Variants in ATP8B1 observed in about 807,000 individuals in gnomAD.
ATP8B1 encodes phospholipid-transporting ATPase IC.
A neutral mutation model predicts 149.9 loss-of-function variants in ATP8B1; 80 were observed. The ratio of observed to expected loss-of-function variants is 0.53; its 90% CI spans 0.45 to 0.64. The LOEUF (loss-of-function observed/expected upper bound fraction) is 0.64, where lower values mean the gene tolerates loss of function less well. ATP8B1 is among the 30% of genes least tolerant of loss of function. The pLI, the probability that ATP8B1 is intolerant of heterozygous loss-of-function variation, is 0.00. For missense variants in ATP8B1, 1,247 were observed against 1,552.6 expected (o/e 0.80, Z 3.31); for synonymous variants, 536 against 562.8 (o/e 0.95, Z 0.67).
At chr18:57,759,007 T>G (rs896902545) in intron 1 of ATP8B1, among the ~76,000 whole-genome samples, 2 of 151,594 alleles carry the variant, frequency 1.3e-5, no homozygotes, top group African/African-American at 4.9e-5. Context: ...AATACAAAAA[T>G]TATCCGGGCG....
intron 4 of ATP8B1, among the ~76,000 whole-genome samples, chr18:57,701,719 A>G (rs319456): frequency 0.99 from 149,222 of 150,568 alleles, 73,961 homozygotes; most frequent in Middle Eastern, 1. Context: ...TTTTTGAGAC[A>G]GAGTCTCCCT....
intron 26 of ATP8B1, 21 bp from the exon 27 acceptor site, chr18:57,650,518 G>A (rs1385950032): frequency 1.2e-6 from 2 of 1,610,422 alleles, no homozygotes; most frequent in African/African-American, 1.3e-5. Context: ...CATGGCAAAT[G>A]CATCACTGTG....
intron 2 of ATP8B1, among the ~76,000 whole-genome samples, chr18:57,710,012 T>TA (rs1182197268): frequency 1.4e-5 from 2 of 146,598 alleles, no homozygotes; most frequent in East Asian, 3.9e-4. Flanking sequence ...TTTTTTTTTT[T>TA]AAGAGACGGA....
chr18:57,743,575 G>C (rs1273277494), intron 1 of ATP8B1, among the ~76,000 whole-genome samples: 1 of 152,130 alleles, frequency 6.6e-6, no homozygotes, highest in Non-Finnish European at 1.5e-5. Context: ...TCACAGAGGT[G>C]AGCAAGAACT....
At chr18:57,708,157 CAAAAAAA>C (rs36027330) in intron 2 of ATP8B1, among the ~76,000 whole-genome samples, 12 of 67,076 alleles carry the variant, frequency 1.8e-4, no homozygotes, top group African/African-American at 3.4e-4. Context: ...AACTCTGTCT[CAAAAAAA>C]AAAAAAAAAA....
At chr18:57,656,687 T>C (rs142188813) in intron 22 of ATP8B1, among the ~76,000 whole-genome samples, 77 of 150,320 alleles carry the variant, frequency 5.1e-4, no homozygotes, top group African/African-American at 1.8e-3. Flanking sequence ...GAAATAGATA[T>C]ATTTCTTCCT....
chr18:57,681,183 G>A (rs1260001932), intron 15 of ATP8B1, among the ~76,000 whole-genome samples: 1 of 152,166 alleles, frequency 6.6e-6, no homozygotes. Flanking sequence ...ATTCTCCACC[G>A]CTGGCTTTGA....
At chr18:57,704,984 TGAGGCAGGAGAATCGCTTGAACCAGG>T (rs1913317884) in intron 3 of ATP8B1, among the ~76,000 whole-genome samples, 1 of 152,168 alleles carries the variant, frequency 6.6e-6, no homozygotes, top group Admixed American at 6.6e-5. Context: ...CTTGGGAGGC[TGAGGCAGGAGAATCGCTTGAACCAGG>T]GAGGCAGAAG....
At chr18:57,790,951 A>G (rs1389262450) in intron 1 of ATP8B1, among the ~76,000 whole-genome samples, 2 of 152,040 alleles carry the variant, frequency 1.3e-5, no homozygotes, top group South Asian at 4.1e-4. Flanking sequence ...CGAGCTCCTG[A>G]CCTTAGGCAA....
intron 1 of ATP8B1, among the ~76,000 whole-genome samples, chr18:57,775,664 A>C (rs1019722895): frequency 1.4e-5 from 2 of 147,056 alleles, no homozygotes; most frequent in African/African-American, 5.0e-5. Flanking sequence ...TTTTTTTTGA[A>C]ATGGAGTTTC....
chr18:57,772,863 AGGAGGTGG>A (rs942697002), intron 1 of ATP8B1, among the ~76,000 whole-genome samples: 1 of 152,128 alleles, frequency 6.6e-6, no homozygotes, highest in African/African-American at 2.4e-5. Context: ...TGCAGAGGTG[AGGAGGTGG>A]GGAGCAGAAG....
At chr18:57,749,698 G>C (rs1484203263) in intron 1 of ATP8B1, among the ~76,000 whole-genome samples, 2 of 152,102 alleles carry the variant, frequency 1.3e-5, no homozygotes, top group Non-Finnish European at 2.9e-5. Flanking sequence ...GCAGGCTCTG[G>C]CTGAATTGTC....
intron 26 of ATP8B1, among the ~76,000 whole-genome samples, chr18:57,651,728 G>A (rs1305417140): frequency 6.6e-6 from 1 of 151,922 alleles, no homozygotes; most frequent in African/African-American, 2.4e-5. Context: ...AACGTCCCAG[G>A]TCAAGCAATC....
intron 10 of ATP8B1, 93 bp downstream of exon 10, chr18:57,695,078 T>C: frequency 7.6e-7 from 1 of 1,313,432 alleles, no homozygotes. Context: ...ATTACTCTTC[T>C]TTTGGTTTTG....
chr18:57,766,344 T>G (rs2080212169), intron 1 of ATP8B1, among the ~76,000 whole-genome samples: 1 of 152,114 alleles, frequency 6.6e-6, no homozygotes, highest in African/African-American at 2.4e-5. Flanking sequence ...TACTCAGTTG[T>G]TCTTTATCTC....
At chr18:57,801,439 G>A (rs2080573246) in intron 1 of ATP8B1, among the ~76,000 whole-genome samples, 1 of 152,196 alleles carries the variant, frequency 6.6e-6, no homozygotes, top group South Asian at 2.1e-4. Context: ...ATCATCTTGT[G>A]CACAGTCTGC....
In ATP8B1 at chr18:57,674,980, AGGGCACCTTCATC is replaced by A; in HGVS notation, c.1660_1672del (p.Asp554TrpfsTer2). 6.2e-7 allele frequency: 1 copy of A among 1,614,230 alleles called. No individual in the cohort carries two copies. The highest frequency in any genetic ancestry group is 8.5e-7 in the Non-Finnish European group (1 of 1,180,030). On this transcript the variant is annotated frameshift_variant, in exon 16 of 28. Transcript: ENST00000648908. LOFTEE classifies it high-confidence loss of function. ...GCCAAAGTTCCTGGCAGCGTTTACC[AGGGCACCTTCATC>A]GGGAGAGGCTGCCTGGTAGTTGAGC...
chr18:57,712,812 G>A (rs879858439), intron 2 of ATP8B1, among the ~76,000 whole-genome samples: 1 of 151,922 alleles, frequency 6.6e-6, no homozygotes, highest in Non-Finnish European at 1.5e-5. Context: ...CTCAGCCACA[G>A]TAGGATAGGG....
intron 1 of ATP8B1, among the ~76,000 whole-genome samples, chr18:57,796,558 CTTTAA>C (rs951321763): frequency 3.3e-5 from 5 of 152,136 alleles, no homozygotes; most frequent in African/African-American, 1.2e-4. Flanking sequence ...AGGACTCACA[CTTTAA>C]TTTTTCAATA....
Sources: gnomAD v4.1 joint callset for allele counts (sites outside exome capture counted in the v4.1 genomes callset) on GRCh38, gnomAD v4.1.1 for gene constraint, MANE v1.5 for transcripts, NCBI Gene and HGNC (gene_info 2026-07-23, HGNC 2026-07-21) for gene names.